Variants in CELF6 observed in about 807,000 individuals in gnomAD.
The protein encoded by CELF6 is CUGBP Elav-like family member 6.
In CELF6, 32 loss-of-function variants were observed where a neutral mutation model predicts 53.1. The observed-to-expected ratio is 0.60, with a 90% CI of 0.46 to 0.81. The LOEUF (loss-of-function observed/expected upper bound fraction) is 0.81. Ranked by LOEUF, CELF6 falls within the 30% of genes least tolerant of loss-of-function variation. The probability of loss-of-function intolerance (pLI) is 0.00; values close to 1 mark genes in which losing one functional copy is unlikely to be tolerated. For missense variants in CELF6, 539 were observed against 669.5 expected (o/e 0.81, Z 2.15); for synonymous variants, 291 against 288.8 (o/e 1.01, Z -0.08).
chr15:72,309,825 A>G (rs534728735), intron 2 of CELF6, among the ~76,000 whole-genome samples: 1 of 152,332 alleles, frequency 6.6e-6, no homozygotes, highest in Non-Finnish European at 1.5e-5. Context: ...CTGGGACTTC[A>G]GGTGAGCTCT....
At chr15:72,313,409 C>A (rs549305551) in intron 2 of CELF6, among the ~76,000 whole-genome samples, 1 of 152,206 alleles carries the variant, frequency 6.6e-6, no homozygotes, top group East Asian at 1.9e-4. Context: ...CTAGCCTGGC[C>A]AACATGGTGA....
intron 3 of CELF6, 132 bp downstream of exon 3, chr15:72,304,614 G>A: frequency 1.3e-6 from 1 of 763,108 alleles, no homozygotes; most frequent in Non-Finnish European, 2.2e-6. Flanking sequence ...CTGGGGCTCA[G>A]CAACTCTGAG....
At position 72,288,134 on chromosome 15, in the gene CELF6, G is replaced by A. The variant is rs1433488903; in HGVS notation, c.1318+174C>T. Among the ~76,000 whole-genome samples, 4 of 152,168 alleles carry A rather than the reference G, an allele frequency of 2.6e-5. No homozygotes were observed. The highest frequency in any genetic ancestry group is 2.9e-5 in the Non-Finnish European group (2 of 68,036). The stretch of plus-strand genomic sequence containing the variant: ...ATTACAGGCGTGAGCCACCATGCCC[G>A]GCCAAGGCTTGTTGTTGGCCTAAAC... On this transcript the variant is annotated intron_variant, in intron 11 of 12. Coordinates refer to ENST00000287202, the MANE Select transcript of CELF6 (RefSeq NM_052840.5). The surrounding 1 kb of genome is among the most constrained non-coding windows in gnomAD (Gnocchi z 4.6).
intron 1 of CELF6, among the ~76,000 whole-genome samples, chr15:72,316,185 T>A (rs1159848086): frequency 6.6e-6 from 1 of 152,140 alleles, no homozygotes; most frequent in Non-Finnish European, 1.5e-5. Context: ...CAGTCACATG[T>A]GCATACAATC....
chr15:72,310,087 C>T (rs1013806950), intron 2 of CELF6, among the ~76,000 whole-genome samples: 4 of 152,182 alleles, frequency 2.6e-5, no homozygotes, highest in Non-Finnish European at 5.9e-5. Context: ...TAAAATTCCT[C>T]CCTTTGGGCT....
Position 72,289,752 on chromosome 15 carries a change from C to A in CELF6, c.622G>T (p.Val208Leu). The change falls in exon 6 of 13, where the codon GTG becomes TTG. Residue 208 changes from valine to leucine, a missense_variant. Coordinates refer to ENST00000287202, the MANE Select transcript of CELF6 (RefSeq NM_052840.5). The surrounding 1 kb of genome is among the most constrained non-coding windows in gnomAD (Gnocchi z 7.6). ...RTMAGASSSL[V>L]VKLADTDRER... ...CGGTCGGTGTCCGCCAGCTTGACCA[C>A]GAGGCTGGACGAGGCGCCCTGGGCA... 1 of 1,454,620 alleles carries A rather than the reference C, an allele frequency of 6.9e-7. No individual in the cohort carries two copies. Among genetic ancestry groups the A allele is most frequent in the Non-Finnish European group, 9.0e-7 (1 of 1,110,248 alleles). 90.1% of individuals were successfully genotyped at this position (1,454,620 alleles called of 1,614,324 possible).
intron 3 of CELF6, among the ~76,000 whole-genome samples, chr15:72,290,560 T>G (rs994963972): frequency 1.3e-5 from 2 of 152,194 alleles, no homozygotes; most frequent in African/African-American, 4.8e-5. Flanking sequence ...GAGCCCTATA[T>G]GCATTGTTTT....
intron 3 of CELF6, among the ~76,000 whole-genome samples, chr15:72,298,651 G>A (rs2088109461): frequency 6.6e-6 from 1 of 152,192 alleles, no homozygotes; most frequent in South Asian, 2.1e-4. Flanking sequence ...TCTATGCTAT[G>A]AAATTTGAAA....
rs1442915103 is a variant in CELF6, at chr15:72,319,792, C to T, written c.83G>A (p.Gly28Asp). 1.3e-6 allele frequency: 2 copies of T among 1,564,294 alleles called. No homozygotes were observed. The highest frequency in any genetic ancestry group is 1.2e-5 in the South Asian group (1 of 85,498). The change falls in exon 1 of 13, where the codon GGC becomes GAC. Residue 28 changes from glycine (G) to aspartate (D), a missense_variant. Gly to Asp is a moderately conservative substitution (Grantham distance 94). Coordinates refer to ENST00000287202, the MANE Select transcript of CELF6 (RefSeq NM_052840.5). This position sits in a 1 kb window ranked among gnomAD's most constrained non-coding sequence, Gnocchi z 5.0. ...LGFSTADSGVGMSGLNPGPAV... is the reference protein window; with the variant it reads ...LGFSTADSGVDMSGLNPGPAV... The stretch of plus-strand genomic sequence containing the variant: ...GGGACCGGGGTTTAGCCCGCTCATG[C>T]CGACGCCGCTGTCCGCGGTGCTGAA...
chr15:72,295,356 G>T (rs1028003053), intron 3 of CELF6, among the ~76,000 whole-genome samples: 40 of 151,526 alleles, frequency 2.6e-4, no homozygotes, highest in African/African-American at 9.7e-4. Flanking sequence ...TAAATAATAA[G>T]ATAAAATAAA....
In CELF6 at chr15:72,288,609, G is replaced by A. The variant is rs779619183; in HGVS notation, c.1103C>T (p.Pro368Leu). ...AGMHHYAAAY[P>L]SAYAPVSTAF... ...TGTGCTCACTGGGGCATAGGCCGAC[G>A]GATAGGCTGCTGGAGACAGAGGTGG... The change falls in exon 10 of 13, where the codon CCG becomes CTG. Residue 368 changes from proline to leucine, a missense_variant. Around this residue, in one of 3 missense-constraint regions of CELF6, gnomAD observed 358 missense variants for 412.8 expected, o/e 0.87. Transcript: ENST00000287202. The surrounding 1 kb of genome is among the most constrained non-coding windows in gnomAD (Gnocchi z 4.6). 5 of 1,561,270 alleles carry A rather than the reference G, an allele frequency of 3.2e-6. No individual in the cohort carries two copies. Among genetic ancestry groups the A allele is most frequent in the Non-Finnish European group, 4.3e-6 (5 of 1,153,332 alleles).
In CELF6 at chr15:72,288,849, G is replaced by A; in HGVS notation, c.1093+19C>T. On this transcript the variant is annotated intron_variant, in intron 9 of 12. Coordinates refer to ENST00000287202, the MANE Select transcript of CELF6 (RefSeq NM_052840.5). This position sits in a 1 kb window ranked among gnomAD's most constrained non-coding sequence, Gnocchi z 4.6. ...AGGGCCCTTCAACCTCCCCCAGGCC[G>A]CGTAGCGCCAAGTGAAACCTGCGTA... The A allele has an allele frequency of 7.1e-6, 11 of 1,549,136 alleles. No individual in the cohort carries two copies. Among genetic ancestry groups the A allele is most frequent in the African/African-American group, 1.4e-5 (1 of 73,136 alleles).
In CELF6 at chr15:72,319,586, G is replaced by T; in HGVS notation, c.262+27C>A. The T allele has an allele frequency of 1.3e-6, 2 of 1,519,786 alleles. No individual in the cohort carries two copies. The highest frequency in any genetic ancestry group is 1.8e-6 in the Non-Finnish European group (2 of 1,129,178). The allele number at this position is 1,519,786 out of a possible 1,614,324, so 94.1% of individuals were successfully genotyped here. A position where few individuals can be genotyped will look rare whatever the true frequency, so the allele number is the denominator to read the frequency against. ...GCCACACTCTAATCGGATTGGGGCT[G>T]GGCTGGGCTGGGCTGACCCCGCGCA... On this transcript the variant is annotated intron_variant, in intron 1 of 12. Transcript: ENST00000287202. The surrounding 1 kb of genome is among the most constrained non-coding windows in gnomAD (Gnocchi z 5.0).
rs976517850 is a variant in CELF6 at position 72,288,387 on chromosome 15, T to C, written c.1239A>G (p.Ile413Met). The change falls in exon 11 of 13, where the codon ATA becomes ATG. Residue 413 changes from isoleucine (I) to methionine (M), a missense_variant. Physicochemically the swap from Ile to Met is conservative, Grantham distance 10 (BLOSUM62 1). Around this residue, in one of 3 missense-constraint regions of CELF6, gnomAD observed 358 missense variants for 412.8 expected, o/e 0.87. Transcript: ENST00000287202. This position sits in a 1 kb window ranked among gnomAD's most constrained non-coding sequence, Gnocchi z 4.6. The part of the protein sequence containing the change: ...LPQEFGDAEL[I>M]QTFLPFGAVV... ...CGGCTCCAAAGGGCAGGAATGTCTGTATGAGTTCCGCATCACCAAACTCCT... is the reference window on the plus strand; with the variant it reads ...CGGCTCCAAAGGGCAGGAATGTCTGCATGAGTTCCGCATCACCAAACTCCT... 28 of 1,614,028 alleles carry C rather than the reference T, an allele frequency of 1.7e-5. No individual in the cohort carries two copies. Among genetic ancestry groups the C allele is most frequent in the Non-Finnish European group, 2.4e-5 (28 of 1,180,010 alleles).
At chr15:72,310,519 C>T (rs2088281182) in intron 2 of CELF6, among the ~76,000 whole-genome samples, 2 of 151,496 alleles carry the variant, frequency 1.3e-5, no homozygotes, top group Admixed American at 6.6e-5. Flanking sequence ...TCCAACCCAA[C>T]CTTCTTCACA....
At position 72,285,910 on chromosome 15, in the gene CELF6, T is replaced by C. The variant is rs1272707292; in HGVS notation, c.*461A>G. 6.6e-6 allele frequency: 1 copy of C among 152,636 alleles called. No individual in the cohort carries two copies. The highest frequency in any genetic ancestry group is 1.5e-5 in the Non-Finnish European group (1 of 68,028). The allele number at this position is 152,636 out of a possible 1,614,324, so 9.5% of individuals were successfully genotyped here. On this transcript the variant is annotated 3_prime_UTR_variant, in exon 13 of 13. Transcript: ENST00000287202. The stretch of plus-strand genomic sequence containing the variant: ...TCCTAGGGATATTTAAAGGCAGCTT[T>C]TATGAGACTCTATACTGTCTTTTTT...
Position 72,304,779 on chromosome 15 carries a change from G to A in CELF6, c.361C>T (p.Gln121Ter). 1 of 1,614,158 alleles carries A rather than the reference G, an allele frequency of 6.2e-7. No homozygotes were observed. Among genetic ancestry groups the A allele is most frequent in the Non-Finnish European group, 8.5e-7 (1 of 1,180,012 alleles). The change falls in exon 3 of 13, where the codon CAA becomes TAA. Residue 121 changes from glutamine to a stop codon, truncating the protein, a stop_gained. Coordinates refer to ENST00000287202, the MANE Select transcript of CELF6 (RefSeq NM_052840.5). LOFTEE classifies it high-confidence loss of function. ...CCCTCACTGGCAGCTGGCTTCACTT[G>A]GATCGGACGATTCATCTGAAAGACA... ...KTLPGMNRPIQVKPAASEGRG... is the reference protein window; with the variant it reads ...KTLPGMNRPI
intron 2 of CELF6, among the ~76,000 whole-genome samples, chr15:72,311,461 G>C (rs1316467230): frequency 6.7e-6 from 1 of 150,038 alleles, no homozygotes; most frequent in Non-Finnish European, 1.5e-5. Context: ...GGAGTGCAGC[G>C]ATGCGATCTT....
chr15:72,317,274 GAGA>G lies in CELF6; in HGVS notation c.263-1350_263-1348del, dbSNP rs2088374791. Among the ~76,000 whole-genome samples the G allele has an allele frequency of 3.3e-5, 5 of 152,196 alleles. No homozygotes were observed. The South Asian group carries it at 1.0e-3, about 32-fold the overall frequency. ...AAAGGAGCATTCTGAGTGTAGGAGG[GAGA>G]AGGACTGAAGGAGGAGAAAGTGGAT... On this transcript the variant is annotated intron_variant, in intron 1 of 12. Transcript: ENST00000287202.
Sources: gnomAD v4.1 joint callset for allele counts (sites outside exome capture counted in the v4.1 genomes callset) on GRCh38, gnomAD v4.1.1 for gene constraint, gnomAD v4.1.1 regional missense constraint, Gnocchi (gnomAD v3.1) non-coding constraint, MANE v1.5 for transcripts, NCBI Gene and HGNC (gene_info 2026-07-23, HGNC 2026-07-21) for gene names.